COQ10B: variants seen among roughly 807,000 people sequenced by gnomAD.
COQ10B encodes coenzyme Q10B.
In COQ10B, 12 loss-of-function variants were observed where a neutral mutation model predicts 27.6. The ratio of observed to expected loss-of-function variants is 0.43; its 90% CI spans 0.28 to 0.70. COQ10B has a LOEUF of 0.70. COQ10B is among the 30% of genes least tolerant of loss of function. COQ10B has a pLI of 0.17. For missense variants in COQ10B, 278 were observed against 288.7 expected (o/e 0.96, Z 0.27); for synonymous variants, 115 against 103.0 (o/e 1.12, Z -0.71).
At chr2:197,454,174 C>T (rs543069847) in intron 1 of COQ10B, 4 of 1,514,868 alleles carry the variant, frequency 2.6e-6, no homozygotes, top group East Asian at 2.5e-5. Flanking sequence ...GCATAAGGGA[C>T]TTGGATTTTT....
At chr2:197,465,119 T>G (rs1254834215) in intron 3 of COQ10B, among the ~76,000 whole-genome samples, 1 of 152,092 alleles carries the variant, frequency 6.6e-6, no homozygotes, top group Non-Finnish European at 1.5e-5. Flanking sequence ...TCTCCTGACC[T>G]CATGGTCTGC....
intron 1 of COQ10B, chr2:197,454,136 T>G (rs1194072816): frequency 1.3e-6 from 2 of 1,550,246 alleles, no homozygotes; most frequent in Non-Finnish European, 1.7e-6. Context: ...CCCTCGCCAT[T>G]TAGTGTTTAC....
At chr2:197,463,984 T>TACA (rs2085793613) in intron 3 of COQ10B, among the ~76,000 whole-genome samples, 1 of 82,614 alleles carries the variant, frequency 1.2e-5, no homozygotes, top group South Asian at 4.3e-4. Flanking sequence ...TATATATATA[T>TACA]ATATATATAT....
At chr2:197,459,837 C>G (rs1012379174) in intron 1 of COQ10B, 95 bp from the exon 2 acceptor site, 5 of 894,046 alleles carry the variant, frequency 5.6e-6, no homozygotes, top group Middle Eastern at 7.4e-4. Context: ...GTTGCAAAGC[C>G]TTACAAAGTG....
At position 197,464,617 on chromosome 2, in the gene COQ10B, C is replaced by T. The variant is rs568316202; in HGVS notation, c.447+1886C>T. 7.2e-5 allele frequency among the ~76,000 whole-genome samples: 11 copies of T among 152,180 alleles called. No individual in the cohort carries two copies. In the South Asian group the frequency reaches 1.0e-3, roughly 14 times the overall value. On this transcript the variant is annotated intron_variant, in intron 3 of 4. Transcript: ENST00000263960. ...TTAGAGTTTTTAAACTACTTTCTGT[C>T]GTAATAGCTAACATTTACTGAGCCC... is the stretch of plus-strand genomic sequence containing the variant.
At chr2:197,454,256 T>G (rs1460353013) in intron 1 of COQ10B, 1 of 972,424 alleles carries the variant, frequency 1.0e-6, no homozygotes, top group Non-Finnish European at 1.5e-6. Flanking sequence ...GGTTGGTTCA[T>G]TTTTTGGTAG....
At chr2:197,453,977 C>G in intron 1 of COQ10B, 1 of 1,550,862 alleles carries the variant, frequency 6.4e-7, no homozygotes, top group Non-Finnish European at 8.7e-7. Context: ...CTTGTTGCTA[C>G]TGCTGTTGGA....
intron 1 of COQ10B, chr2:197,454,216 C>G: frequency 3.8e-6 from 5 of 1,307,882 alleles, no homozygotes; most frequent in Non-Finnish European, 5.2e-6. Context: ...GTCCTGTAAC[C>G]TTGAAGCATA....
intron 1 of COQ10B, 150 bp downstream of exon 1, chr2:197,453,814 T>C (rs1268434570): frequency 1.9e-5 from 19 of 1,023,922 alleles, no homozygotes; most frequent in South Asian, 9.5e-5. Flanking sequence ...GTTTGGCATC[T>C]GAGGGACTCA....
chr2:197,471,933 C>T lies in COQ10B; in HGVS notation c.549+1762C>T, dbSNP rs572975286. 3.3e-4 allele frequency among the ~76,000 whole-genome samples: 44 copies of T among 133,396 alleles called. 1 individual carries two copies. The highest frequency in any genetic ancestry group is 1.1e-3 in the African/African-American group (38 of 35,840). The allele number at this position is 133,396 out of a possible 152,430, so 87.5% of individuals were successfully genotyped here. On this transcript the variant is annotated intron_variant, in intron 4 of 4. Transcript: ENST00000263960. ...CTCCAACCTGGGTGACAGAGTGAGA[C>T]ACTGTCTCAAAAAAAAAAAAAAAGG...
At chr2:197,456,648 C>CGG (rs2085702156) in intron 1 of COQ10B, among the ~76,000 whole-genome samples, 1 of 151,506 alleles carries the variant, frequency 6.6e-6, no homozygotes, top group South Asian at 2.1e-4. Context: ...ACCTGTAGTC[C>CGG]CAGCTACTCG....
chr2:197,472,954 T>C (rs1423586447), intron 4 of COQ10B, among the ~76,000 whole-genome samples: 1 of 152,230 alleles, frequency 6.6e-6, no homozygotes, highest in Non-Finnish European at 1.5e-5. Context: ...CCTTATTTCC[T>C]TTTGTGGGAT....
At chr2:197,454,262 G>C (rs1433033812) in intron 1 of COQ10B, 2 of 846,968 alleles carry the variant, frequency 2.4e-6, no homozygotes, top group Admixed American at 6.2e-5. Context: ...TTCATTTTTT[G>C]GTAGGTGGGG....
intron 4 of COQ10B, among the ~76,000 whole-genome samples, chr2:197,472,166 C>T (rs1355766279): frequency 4.0e-5 from 6 of 150,428 alleles, no homozygotes; most frequent in African/African-American, 7.3e-5. Flanking sequence ...GAAATTATTT[C>T]GTAATGAAAG....
At chr2:197,457,713 C>T (rs555779805) in intron 1 of COQ10B, among the ~76,000 whole-genome samples, 3 of 151,506 alleles carry the variant, frequency 2.0e-5, no homozygotes, top group Admixed American at 2.0e-4. Context: ...CCTCCGCGTC[C>T]CAGGTTCAAG....
chr2:197,463,718 A>G (rs2085785901), intron 3 of COQ10B, among the ~76,000 whole-genome samples: 2 of 150,876 alleles, frequency 1.3e-5, no homozygotes, highest in Non-Finnish European at 2.9e-5. Context: ...GGGTCACCCG[A>G]GGTCAGGAGC....
At chr2:197,453,850 C>T in intron 1 of COQ10B, 186 bp downstream of exon 1, 1 of 1,201,464 alleles carries the variant, frequency 8.3e-7, no homozygotes, top group South Asian at 1.4e-5. Flanking sequence ...ACCTTGGGCC[C>T]AAGGCTGTGT....
intron 3 of COQ10B, 65 bp from the exon 4 acceptor site, chr2:197,470,005 A>T: frequency 1.1e-6 from 1 of 947,996 alleles, no homozygotes. Flanking sequence ...GTCATAGTAG[A>T]TTCTTAGATT....
At chr2:197,472,800 C>CAAAA (rs34942079) in intron 4 of COQ10B, among the ~76,000 whole-genome samples, 31 of 95,834 alleles carry the variant, frequency 3.2e-4, no homozygotes, top group East Asian at 6.8e-4. Context: ...GGCTCCATCT[C>CAAAA]AAAAAAAAAA....
Sources: gnomAD v4.1 joint callset for allele counts (sites outside exome capture counted in the v4.1 genomes callset) on GRCh38, gnomAD v4.1.1 for gene constraint, MANE v1.5 for transcripts, NCBI Gene and HGNC (gene_info 2026-07-23, HGNC 2026-07-21) for gene names.